Variants in TMEM232 observed in about 807,000 individuals in gnomAD.
TMEM232 encodes the protein transmembrane protein 232.
Under a neutral mutation model 78.8 loss-of-function variants are expected in TMEM232, and 80 were observed. That is an observed-to-expected ratio of 1.01 (90% CI 0.85 to 1.22). TMEM232 has a LOEUF of 1.22. Among genes scored for constraint, TMEM232 ranks in the 50% most tolerant of loss-of-function variants. TMEM232 has a pLI of 0.00. For missense variants in TMEM232, 881 were observed against 742.2 expected, an observed-to-expected ratio of 1.19 and a Z score of -2.17; for synonymous variants, 297 against 254.3, an observed-to-expected ratio of 1.17 and a Z score of -1.60.
At chr5:110,720,895 G>A (rs1797522482) in intron 1 of TMEM232, 1 of 151,932 alleles carries the variant, frequency 6.6e-6, no homozygotes. Context: ...AAATATAAGA[G>A]AAAATTAAAT....
chr5:110,671,258 GGA>G (rs1791315567), intron 1 of TMEM232, among the ~76,000 whole-genome samples: 1 of 152,218 alleles, frequency 6.6e-6, no homozygotes, highest in African/African-American at 2.4e-5. Context: ...AACAGATGCT[GGA>G]GAGGATGTGT....
At chr5:110,446,708 G>A (rs1267542909) in intron 12 of TMEM232, among the ~76,000 whole-genome samples, 1 of 152,058 alleles carries the variant, frequency 6.6e-6, no homozygotes, top group Non-Finnish European at 1.5e-5. Context: ...AGTCTTGACA[G>A]GCTGGCTTAC....
At chr5:110,527,959 A>C (rs1224044963) in intron 12 of TMEM232, among the ~76,000 whole-genome samples, 1 of 151,998 alleles carries the variant, frequency 6.6e-6, no homozygotes, top group Non-Finnish European at 1.5e-5. Flanking sequence ...GTGATTTTTC[A>C]TCTATTTTTA....
At chr5:110,557,140 CT>C (rs1775188788) in intron 11 of TMEM232, among the ~76,000 whole-genome samples, 1 of 152,042 alleles carries the variant, frequency 6.6e-6, no homozygotes, top group South Asian at 2.1e-4. Context: ...CTCCAAGATT[CT>C]TTTCTCAGCT....
At chr5:110,648,259 G>A (rs1244343525) in intron 2 of TMEM232, among the ~76,000 whole-genome samples, 1 of 152,048 alleles carries the variant, frequency 6.6e-6, no homozygotes, top group Non-Finnish European at 1.5e-5. Context: ...ACCAGAAATT[G>A]AAGAGAATAT....
intron 1 of TMEM232, among the ~76,000 whole-genome samples, chr5:110,696,096 T>G (rs1794747153): frequency 6.6e-6 from 1 of 152,152 alleles, no homozygotes; most frequent in African/African-American, 2.4e-5. Context: ...ATCAAAAAGC[T>G]TATCCACCAT....
chr5:110,535,032 C>T (rs1175463919), intron 11 of TMEM232, among the ~76,000 whole-genome samples: 1 of 152,076 alleles, frequency 6.6e-6, no homozygotes, highest in African/African-American at 2.4e-5. Context: ...CACCCATTAT[C>T]TCTCCATACC....
chr5:110,558,430 T>G (rs577496440), intron 11 of TMEM232, among the ~76,000 whole-genome samples: 27 of 152,260 alleles, frequency 1.8e-4, no homozygotes, highest in African/African-American at 5.1e-4. Context: ...TGGGTGTTAC[T>G]GGAAGCCCAT....
Position 110,638,140 on chromosome 5 carries a change from G to A in TMEM232, c.501+58C>T. 4 of 1,287,874 alleles carry A rather than the reference G, an allele frequency of 3.1e-6. No homozygotes were observed. The South Asian group carries it at 6.4e-5, about 21-fold the overall frequency. The allele number at this position is 1,287,874 out of a possible 1,614,324, so 79.8% of individuals were successfully genotyped here. A position where few individuals can be genotyped will look rare whatever the true frequency, so the allele number is the denominator to read the frequency against. On this transcript the variant is annotated intron_variant, in intron 5 of 13. Transcript: ENST00000455884. The stretch of plus-strand genomic sequence containing the variant: ...GTTTTGATCCTAAAACAGATGTCAT[G>A]TTGTTACATGTAGTATGTGAAATAT...
intron 5 of TMEM232, among the ~76,000 whole-genome samples, chr5:110,629,182 ATAAC>A (rs1179153952): frequency 6.6e-6 from 1 of 152,132 alleles, no homozygotes; most frequent in South Asian, 2.1e-4. Flanking sequence ...CAATGAGTGA[ATAAC>A]TAATCAGAAG....
chr5:110,496,073 C>T (rs1021490024), intron 12 of TMEM232, among the ~76,000 whole-genome samples: 5 of 151,704 alleles, frequency 3.3e-5, no homozygotes, highest in African/African-American at 9.6e-5. Flanking sequence ...ATTCAAATCA[C>T]AAAATTATAA....
chr5:110,622,159 T>C (rs1783833252), intron 7 of TMEM232, among the ~76,000 whole-genome samples: 1 of 152,012 alleles, frequency 6.6e-6, no homozygotes, highest in Non-Finnish European at 1.5e-5. Context: ...TTTTAAGGAG[T>C]TTATGTCTCA....
In TMEM232 at chr5:110,427,868, CAGT is replaced by C. The variant is rs370733640; in HGVS notation, c.1704-2955_1704-2953del. Among the ~76,000 whole-genome samples, 768 of 151,702 alleles carry C rather than the reference CAGT, an allele frequency of 5.1e-3. 9 individuals carry two copies. The highest frequency in any genetic ancestry group is 0.018 in the African/African-American group (738 of 41,394). ...TTTGTTTTTTATTTTTTTGGGTACACAGTAGGTGTATATATTTAAGGGGTATAT... is the reference window on the plus strand; with the variant it reads ...TTTGTTTTTTATTTTTTTGGGTACACAGGTGTATATATTTAAGGGGTATAT... On this transcript the variant is annotated intron_variant, in intron 12 of 13. Coordinates refer to ENST00000455884, the MANE Select transcript of TMEM232 (RefSeq NM_001039763.4).
At chr5:110,454,119 GGATATA>G (rs1348336080) in intron 12 of TMEM232, among the ~76,000 whole-genome samples, 4 of 152,004 alleles carry the variant, frequency 2.6e-5, no homozygotes, top group Non-Finnish European at 1.5e-5. Flanking sequence ...AAATCAATAA[GGATATA>G]GAAGCCTGAA....
At chr5:110,535,942 A>T (rs1054234629) in intron 11 of TMEM232, among the ~76,000 whole-genome samples, 1 of 152,058 alleles carries the variant, frequency 6.6e-6, no homozygotes, top group Admixed American at 6.6e-5. Flanking sequence ...TCTCCTTGCA[A>T]CCCCCACTTT....
intron 11 of TMEM232, among the ~76,000 whole-genome samples, chr5:110,545,333 T>C (rs1167135833): frequency 6.6e-6 from 1 of 152,052 alleles, no homozygotes; most frequent in African/African-American, 2.4e-5. Flanking sequence ...TGGGTTAATA[T>C]ACATTATATA....
intron 1 of TMEM232, among the ~76,000 whole-genome samples, chr5:110,716,817 A>G (rs553612338): frequency 2.6e-5 from 4 of 152,310 alleles, no homozygotes; most frequent in African/African-American, 7.2e-5. Context: ...GCTGTGTTTT[A>G]GAAGAACATT....
chr5:110,684,741 A>G (rs931965371), intron 1 of TMEM232: 2 of 152,118 alleles, frequency 1.3e-5, no homozygotes, highest in African/African-American at 4.8e-5. Context: ...TTTATTAGAG[A>G]ATATACATTT....
upstream of TMEM232, among the ~76,000 whole-genome samples, chr5:110,728,767 A>T (rs1333699454): frequency 1.3e-5 from 2 of 150,672 alleles, no homozygotes; most frequent in Non-Finnish European, 3.0e-5. Context: ...GAAAATAAGC[A>T]TGTCAAAACC....
Sources: allele counts gnomAD v4.1 joint callset (sites outside exome capture counted in the v4.1 genomes callset), GRCh38; gene constraint gnomAD v4.1.1; transcripts MANE v1.5; gene names NCBI Gene and HGNC (gene_info 2026-07-23, HGNC 2026-07-21).